Variants in DRG1 observed in about 807,000 individuals in gnomAD.
DRG1 encodes the protein developmentally-regulated GTP-binding protein 1.
A neutral mutation model predicts 38.8 loss-of-function variants in DRG1; 19 were observed. The observed-to-expected ratio is 0.49, with a 90% CI of 0.34 to 0.72. DRG1 has a LOEUF of 0.72. Among genes scored for constraint, DRG1 ranks in the 30% least tolerant of loss-of-function variants. The pLI, the probability that DRG1 is intolerant of heterozygous loss-of-function variation, is 0.01. For synonymous variants in DRG1, 167 were observed against 157.5 expected (o/e 1.06, Z -0.45); for missense variants, 299 against 444.8 (o/e 0.67, Z 2.95).
chr22:31,407,984 G>A (rs2049998343), intron 3 of DRG1, among the ~76,000 whole-genome samples: 1 of 150,120 alleles, frequency 6.7e-6, no homozygotes, highest in Non-Finnish European at 1.5e-5. Flanking sequence ...AAATTAGTGG[G>A]GCATGGTGGC....
intron 4 of DRG1, among the ~76,000 whole-genome samples, chr22:31,419,078 G>A (rs1483267483): frequency 6.6e-6 from 1 of 152,136 alleles, no homozygotes; most frequent in Non-Finnish European, 1.5e-5. Flanking sequence ...GCCTCCCAAA[G>A]TGCTGGGATT....
At chr22:31,424,811 C>CGCCT (rs71202078) in intron 6 of DRG1, among the ~76,000 whole-genome samples, 2 of 36,668 alleles carry the variant, frequency 5.5e-5, no homozygotes, top group Non-Finnish European at 8.7e-5. Context: ...CCCCCCCCCC[C>CGCCT]TTTTTTTTTT....
chr22:31,409,066 C>CT (rs978972553), intron 3 of DRG1, among the ~76,000 whole-genome samples: 1 of 151,878 alleles, frequency 6.6e-6, no homozygotes, highest in African/African-American at 2.4e-5. Context: ...TCATTTTTAT[C>CT]TTTTTAAAAT....
chr22:31,404,013 T>G (rs2049976684), intron 3 of DRG1, among the ~76,000 whole-genome samples: 1 of 147,556 alleles, frequency 6.8e-6, no homozygotes, highest in African/African-American at 2.5e-5. Flanking sequence ...TAGGATGCTA[T>G]TGACACCTCT....
rs1391658952 is a variant in DRG1 at position 31,426,694 on chromosome 22, C to A, written c.793C>A (p.Pro265Thr). ...GGAATTGGATATCATCTATAAGGTG[C>A]CTCACTGTGTACCCATCTCTGCCCA... ...IEELDIIYKV[P>T]HCVPISAHHR... is the part of the protein sequence containing the mutation. Residue 265 changes from proline to threonine, a missense_variant, in exon 7 of 9, where the codon CCT becomes ACT. By Grantham distance (38) the Pro-to-Thr change is conservative. Transcript: ENST00000331457. 1 of 1,614,072 alleles carries A rather than the reference C, an allele frequency of 6.2e-7. No homozygotes were observed. Among genetic ancestry groups the A allele is most frequent in the Non-Finnish European group, 8.5e-7 (1 of 1,179,972 alleles).
rs766294568 is a variant in DRG1 at position 31,411,101 on chromosome 22, C to T, written c.412+20C>T. The T allele has an allele frequency of 1.2e-5, 20 of 1,612,496 alleles. No homozygotes were observed. Among genetic ancestry groups the T allele is most frequent in the Admixed American group, 1.0e-4 (6 of 59,938 alleles). On this transcript the variant is annotated intron_variant, in intron 4 of 8. Coordinates refer to ENST00000331457, the MANE Select transcript of DRG1 (RefSeq NM_004147.4). ...TTGCAGGTGAGTGGTTTAAGTGCCA[C>T]CATCCTGGGATATCATTCCCTTCTC... is the stretch of plus-strand genomic sequence containing the variant.
At chr22:31,402,287 TAAAAAGA>T (rs1044941679) in intron 2 of DRG1, among the ~76,000 whole-genome samples, 6 of 152,004 alleles carry the variant, frequency 3.9e-5, no homozygotes, top group Admixed American at 6.6e-5. Flanking sequence ...GCAGCCATTG[TAAAAAGA>T]AAAAAGAAAA....
intron 3 of DRG1, among the ~76,000 whole-genome samples, chr22:31,404,492 A>G (rs2049979244): frequency 2.0e-5 from 3 of 151,590 alleles, no homozygotes; most frequent in Admixed American, 2.0e-4. Flanking sequence ...CTCCTGCCTC[A>G]GCCTCCCAAA....
At chr22:31,421,902 G>C (rs542063756) in intron 5 of DRG1, among the ~76,000 whole-genome samples, 285 of 152,068 alleles carry the variant, frequency 1.9e-3, no homozygotes, top group Admixed American at 3.4e-3. Context: ...GGATCACAAG[G>C]TCAAGAGATG....
Position 31,403,296 on chromosome 22 carries a change from C to G in DRG1, c.342+92C>G, listed in dbSNP as rs535827249. 2.2e-5 allele frequency: 29 copies of G among 1,343,888 alleles called. No homozygotes were observed. The African/African-American group carries it at 3.8e-4, about 18-fold the overall frequency. The allele number at this position is 1,343,888 out of a possible 1,614,324, so 83.2% of individuals were successfully genotyped here. A position where few individuals can be genotyped will look rare whatever the true frequency, so the allele number is the denominator to read the frequency against. ...GAGCTCACTGTATGCCAGGCCTGAT[C>G]TTTGATCTACCAGGCACTTACTACC... On this transcript the variant is annotated intron_variant, in intron 3 of 8. Transcript: ENST00000331457.
intron 4 of DRG1, 22 bp from the exon 5 acceptor site, chr22:31,420,234 A>G: frequency 6.2e-7 from 1 of 1,607,090 alleles, no homozygotes; most frequent in Admixed American, 1.7e-5. Flanking sequence ...TTTCTTGCGT[A>G]TGTTTTTTTC....
intron 5 of DRG1, 50 bp downstream of exon 5, chr22:31,420,475 G>GGAGT (rs1172299017): frequency 6.2e-7 from 1 of 1,609,356 alleles, no homozygotes; most frequent in Non-Finnish European, 8.5e-7. Context: ...ATTGGAATGG[G>GGAGT]GAGTGGATTG....
chr22:31,406,243 G>A (rs1466991919), intron 3 of DRG1, among the ~76,000 whole-genome samples: 1 of 151,864 alleles, frequency 6.6e-6, no homozygotes. Flanking sequence ...CTCATGATCT[G>A]CCTGCCTCGA....
rs1026553597 is a variant in DRG1 at position 31,419,334 on chromosome 22, GAT to G, written c.413-919_413-918del. On this transcript the variant is annotated intron_variant, in intron 4 of 8. Coordinates refer to ENST00000331457, the MANE Select transcript of DRG1 (RefSeq NM_004147.4). Reference sequence around the variant, plus strand: ...TATAAATATATATTAATAAAAATAAGATATGCAGGCACAAAAGACTACTTTTT... The same window carrying G: ...TATAAATATATATTAATAAAAATAAGATGCAGGCACAAAAGACTACTTTTT... Among the ~76,000 whole-genome samples, 106 of 150,976 alleles carry G rather than the reference GAT, an allele frequency of 7.0e-4. 1 individual carries two copies. The highest frequency in any genetic ancestry group is 2.3e-3 in the East Asian group (12 of 5,142).
At chr22:31,413,694 AT>A (rs1322906358) in intron 4 of DRG1, among the ~76,000 whole-genome samples, 2 of 145,674 alleles carry the variant, frequency 1.4e-5, no homozygotes, top group Non-Finnish European at 3.0e-5. Flanking sequence ...GGCTCATGCA[AT>A]ATCTGCCTCC....
At chr22:31,429,456 C>G (rs1176803025) in intron 8 of DRG1, among the ~76,000 whole-genome samples, 1 of 151,918 alleles carries the variant, frequency 6.6e-6, no homozygotes, top group Non-Finnish European at 1.5e-5. Context: ...TTTTATTTTA[C>G]ATTTATTTAT....
chr22:31,405,009 A>C (rs923257986), intron 3 of DRG1, among the ~76,000 whole-genome samples: 11 of 152,050 alleles, frequency 7.2e-5, no homozygotes, highest in Non-Finnish European at 1.5e-4. Flanking sequence ...TTTTTATTGA[A>C]TGTTACTTAT....
In DRG1 at chr22:31,426,993, G is replaced by A. The variant is rs142301532; in HGVS notation, c.882-67G>A. ...GGTCTGATGTCAGGGGTGATGGAGG[G>A]TTGCTATACATTCAACACATGAGAT... On this transcript the variant is annotated intron_variant, in intron 7 of 8. Coordinates refer to ENST00000331457, the MANE Select transcript of DRG1 (RefSeq NM_004147.4). 4.4e-6 allele frequency: 7 copies of A among 1,599,434 alleles called. No individual in the cohort carries two copies. The Admixed American group carries it at 1.2e-4, about 27-fold the overall frequency.
intron 4 of DRG1, among the ~76,000 whole-genome samples, chr22:31,419,229 G>C (rs755736481): frequency 2.0e-5 from 3 of 152,120 alleles, no homozygotes; most frequent in Non-Finnish European, 4.4e-5. Context: ...CTTGAGGCCA[G>C]GAGTTAAAGG....
Sources: gnomAD v4.1 joint callset for allele counts (sites outside exome capture counted in the v4.1 genomes callset) on GRCh38, gnomAD v4.1.1 for gene constraint, MANE v1.5 for transcripts, NCBI Gene and HGNC (gene_info 2026-07-23, HGNC 2026-07-21) for gene names.